The following KCNAB2 variants were observed in gnomAD, a reference collection of about 807,000 sequenced individuals.
KCNAB2 encodes the protein potassium voltage-gated channel subfamily A regulatory beta subunit 2.
KCNAB2 carries 29 observed loss-of-function variants against 63.6 expected under a neutral mutation model. The observed-to-expected ratio is 0.46, with a 90% CI of 0.34 to 0.62. KCNAB2 has a LOEUF of 0.62. KCNAB2 is among the 20% of genes least tolerant of loss of function. KCNAB2 has a pLI of 0.01. For missense variants in KCNAB2, 359 were observed against 563.9 expected (o/e 0.64, Z 3.68); for synonymous variants, 222 against 224.2 (o/e 0.99, Z 0.09).
intron 1 of KCNAB2, among the ~76,000 whole-genome samples, chr1:6,014,804 C>T (rs954391242): frequency 6.6e-6 from 1 of 152,156 alleles, no homozygotes; most frequent in Non-Finnish European, 1.5e-5. Context: ...AGGCTAGGCT[C>T]GCAGGCAGCA....
intron 2 of KCNAB2, among the ~76,000 whole-genome samples, chr1:6,054,151 C>A (rs1328689893): frequency 6.6e-6 from 1 of 151,950 alleles, no homozygotes; most frequent in Non-Finnish European, 1.5e-5. Context: ...CTAGAATGGA[C>A]CCTAATTCCT....
intron 3 of KCNAB2, among the ~76,000 whole-genome samples, 188 bp downstream of exon 3, chr1:6,072,986 G>C (rs3765453): frequency 0.33 from 50,497 of 151,688 alleles, 10,152 homozygotes; most frequent in African/African-American, 0.57. Flanking sequence ...CAGGTGGGAG[G>C]GGGGCTGGGA....
chr1:6,064,559 G>A (rs946306647), intron 2 of KCNAB2, among the ~76,000 whole-genome samples: 2 of 152,200 alleles, frequency 1.3e-5, no homozygotes, highest in Admixed American at 6.5e-5. Context: ...GAAGGGTAGG[G>A]GGCAAAAGAC....
intron 5 of KCNAB2, among the ~76,000 whole-genome samples, chr1:6,083,696 C>G (rs546489535): frequency 6.6e-6 from 1 of 152,190 alleles, no homozygotes; most frequent in Non-Finnish European, 1.5e-5. Flanking sequence ...CGCTGCGTGC[C>G]GGGGATAGGC....
chr1:6,028,821 A>T lies in KCNAB2; in HGVS notation c.-52-11696A>T, dbSNP rs758337323. 5.3e-5 allele frequency among the ~76,000 whole-genome samples: 8 copies of T among 152,304 alleles called. No homozygotes were observed. The highest frequency in any genetic ancestry group is 1.0e-4 in the Non-Finnish European group (7 of 68,012). Reference sequence around the variant, plus strand: ...TTGGCCTTTTGAAAGCTGTGAGTCCAAGTTGCCTGGCAAATAGATAAGGAA... The same window carrying T: ...TTGGCCTTTTGAAAGCTGTGAGTCCTAGTTGCCTGGCAAATAGATAAGGAA... On this transcript the variant is annotated intron_variant, in intron 1 of 16. Coordinates refer to the KCNAB2 transcript ENST00000341524. The surrounding 1 kb of genome is among the most constrained non-coding windows in gnomAD (Gnocchi z 4.0).
intron 2 of KCNAB2, among the ~76,000 whole-genome samples, chr1:6,052,259 C>T (rs1442516206): frequency 6.6e-6 from 1 of 151,882 alleles, no homozygotes; most frequent in African/African-American, 2.4e-5. Context: ...CCATCTCTAC[C>T]CCAAAATACA....
At chr1:6,085,769 G>C (rs1241713076) in intron 6 of KCNAB2, 1 of 920,002 alleles carries the variant, frequency 1.1e-6, no homozygotes, top group Non-Finnish European at 1.3e-6. Flanking sequence ...CCTCTCCGGA[G>C]CTCACTGTTC....
intron 2 of KCNAB2, among the ~76,000 whole-genome samples, chr1:6,070,464 C>T (rs757469228): frequency 2.0e-5 from 3 of 152,192 alleles, no homozygotes; most frequent in Admixed American, 6.5e-5. Flanking sequence ...GCCACAGACA[C>T]GAGTTATTCT....
chr1:6,038,871 G>C (rs1057206247), intron 1 of KCNAB2, among the ~76,000 whole-genome samples: 3 of 152,228 alleles, frequency 2.0e-5, no homozygotes, highest in Non-Finnish European at 2.9e-5. Context: ...GTGGATGGGC[G>C]GGGCTGTTTT....
chr1:6,066,330 C>T (rs1265638073), intron 2 of KCNAB2, among the ~76,000 whole-genome samples: 1 of 152,228 alleles, frequency 6.6e-6, no homozygotes, highest in African/African-American at 2.4e-5. Context: ...GCCTCCCCAA[C>T]TCCCCACCTC....
In KCNAB2 at chr1:6,051,567, C is replaced by T. The variant is rs993237505; in HGVS notation, c.31C>T (p.Arg11Trp). Reference sequence around the variant, plus strand: ...GTCCATGACGTACAGCGAGAGTCTGCGGAGCGTGAGCAGCAGGTGCCACTC... The same window carrying T: ...GTCCATGACGTACAGCGAGAGTCTGTGGAGCGTGAGCAGCAGGTGCCACTC... MLSMTYSESLRSVSSRCHSEW... is the reference protein window; with the variant it reads MLSMTYSESLWSVSSRCHSEW... Residue 11 changes from arginine to tryptophan, a missense_variant, in exon 2 of 16, where the codon CGG (arginine) becomes TGG (tryptophan). Physicochemically the swap from Arg to Trp is moderately radical, Grantham distance 101. Around this residue, in one of 2 missense-constraint regions of KCNAB2, gnomAD observed 88 missense variants for 87.8 expected, o/e 1.00. Transcript: ENST00000378083. The T allele has an allele frequency of 3.5e-5, 53 of 1,533,252 alleles. No individual in the cohort carries two copies. Among genetic ancestry groups the T allele is most frequent in the Non-Finnish European group, 4.3e-5 (49 of 1,145,148 alleles). The allele number at this position is 1,533,252 out of a possible 1,614,324, so 95.0% of individuals were successfully genotyped here.
rs191646750 is a variant in KCNAB2 at position 6,051,355 on chromosome 1, A to C, written c.-26-156A>C. On this transcript the variant is annotated intron_variant, in intron 1 of 15. Transcript: ENST00000378083. ...GAATCTCATGCCAAGAGGTGTTTAC[A>C]TCCAGGGGCCGGGTCCCACTCCTAG... Among the ~76,000 whole-genome samples, 759 of 152,336 alleles carry C rather than the reference A, an allele frequency of 5.0e-3. 5 individuals are homozygous for C. The highest frequency in any genetic ancestry group is 6.6e-3 in the Non-Finnish European group (447 of 68,024).
intron 1 of KCNAB2, among the ~76,000 whole-genome samples, chr1:6,049,305 G>A (rs1047489721): frequency 6.6e-6 from 1 of 152,198 alleles, no homozygotes; most frequent in South Asian, 2.1e-4. Flanking sequence ...CTGAGCAGGG[G>A]GCAGTGGCAG....
intron 5 of KCNAB2, 126 bp from the exon 6 acceptor site, chr1:6,085,078 T>C: frequency 1.0e-6 from 1 of 975,652 alleles, no homozygotes; most frequent in Non-Finnish European, 1.6e-6. Context: ...AGGCGGGTGT[T>C]AACAGCCTGG....
At chr1:6,008,907 G>T (rs1268914312) in intron 1 of KCNAB2, among the ~76,000 whole-genome samples, 1 of 152,202 alleles carries the variant, frequency 6.6e-6, no homozygotes, top group Non-Finnish European at 1.5e-5. Flanking sequence ...GGCCTGGGCG[G>T]AGAGTGAGAC....
intron 1 of KCNAB2, among the ~76,000 whole-genome samples, chr1:5,998,894 A>T (rs1203396765): frequency 1.3e-5 from 2 of 152,358 alleles, no homozygotes; most frequent in East Asian, 3.9e-4. Flanking sequence ...CCCAAGCCAG[A>T]GTCCCACCCT....
upstream of KCNAB2, among the ~76,000 whole-genome samples, chr1:6,033,265 CTGTGTGCATGTGCG>C (rs1368952750): frequency 7.1e-6 from 1 of 140,816 alleles, no homozygotes; most frequent in Non-Finnish European, 1.5e-5. Context: ...GTGTGTGTGC[CTGTGTGCATGTGCG>C]TGTGTGGGCA....
upstream of KCNAB2, among the ~76,000 whole-genome samples, chr1:6,042,436 T>C (rs1660570748): frequency 6.6e-6 from 1 of 152,232 alleles, no homozygotes; most frequent in South Asian, 2.1e-4. Context: ...CGAGAGACTG[T>C]GCCCCAGCAG....
At chr1:6,089,455 C>T (rs1307080838) in intron 8 of KCNAB2, among the ~76,000 whole-genome samples, 12 of 152,390 alleles carry the variant, frequency 7.9e-5, no homozygotes, top group South Asian at 4.1e-4. Context: ...GGGCTCAGCA[C>T]TCGCAGGCAC....
Sources: allele counts gnomAD v4.1 joint callset (sites outside exome capture counted in the v4.1 genomes callset), GRCh38; gene constraint gnomAD v4.1.1; regional missense constraint gnomAD v4.1.1; non-coding constraint Gnocchi (gnomAD v3.1); transcripts MANE v1.5; gene names NCBI Gene and HGNC (gene_info 2026-07-23, HGNC 2026-07-21).